The following STX18 variants were observed in gnomAD, a reference collection of about 807,000 sequenced individuals.
The protein encoded by STX18 is syntaxin 18.
A neutral mutation model predicts 50.1 loss-of-function variants in STX18; 40 were observed. That is an observed-to-expected ratio of 0.80 (90% CI 0.62 to 1.04). The LOEUF (loss-of-function observed/expected upper bound fraction) is 1.04. Among genes scored for constraint, STX18 ranks in the 50% least tolerant of loss-of-function variants. STX18 has a pLI of 0.00. For synonymous variants in STX18, 158 were observed against 151.8 expected (o/e 1.04, Z -0.30); for missense variants, 410 against 415.8 (o/e 0.99, Z 0.12).
rs142456118 is a variant in STX18, at chr4:4,471,029, CA to C, written c.236+609del. ...AACATGAGTAACATTAGGGGATGAACAGAAGGATTCAGCAAAAGTGCCGTAA... is the reference window on the plus strand; with the variant it reads ...AACATGAGTAACATTAGGGGATGAACGAAGGATTCAGCAAAAGTGCCGTAA... On this transcript the variant is annotated intron_variant, in intron 2 of 10. Transcript: ENST00000306200. Among the ~76,000 whole-genome samples the C allele has an allele frequency of 4.6e-3, 703 of 152,198 alleles. 6 individuals carry two copies. Among genetic ancestry groups the C allele is most frequent in the African/African-American group, 0.016 (669 of 41,528 alleles).
At chr4:4,444,987 C>T (rs994980057) in intron 5 of STX18, among the ~76,000 whole-genome samples, 2 of 152,276 alleles carry the variant, frequency 1.3e-5, no homozygotes, top group East Asian at 3.9e-4. Flanking sequence ...ACCAGAGGTC[C>T]AGGCCCTAGC....
intron 1 of STX18, among the ~76,000 whole-genome samples, chr4:4,534,893 G>A (rs1220008845): frequency 6.6e-6 from 1 of 152,248 alleles, no homozygotes; most frequent in African/African-American, 2.4e-5. Flanking sequence ...CAACTAGGCA[G>A]TGGGCCGGAT....
chr4:4,466,177 G>A (rs1397529882), intron 2 of STX18, among the ~76,000 whole-genome samples: 1 of 152,132 alleles, frequency 6.6e-6, no homozygotes, highest in East Asian at 1.9e-4. Context: ...AGATAGGAAG[G>A]CAGGGCCAGG....
intron 1 of STX18, among the ~76,000 whole-genome samples, chr4:4,504,955 T>C (rs372599011): frequency 4.6e-5 from 7 of 152,204 alleles, no homozygotes; most frequent in Non-Finnish European, 1.0e-4. Context: ...AATTCATCCA[T>C]TTAAATTGTG....
At chr4:4,511,759 TGTA>T in intron 1 of STX18, among the ~76,000 whole-genome samples, 1 of 137,540 alleles carries the variant, frequency 7.3e-6, no homozygotes, top group East Asian at 2.0e-4. Flanking sequence ...TGTGTGTGTG[TGTA>T]TGCCCCTAGG....
intron 1 of STX18, among the ~76,000 whole-genome samples, chr4:4,530,011 C>T (rs777506084): frequency 1.3e-4 from 20 of 152,010 alleles, no homozygotes; most frequent in Admixed American, 3.3e-4. Context: ...TTTAAATAGC[C>T]CCCACCCCTC....
chr4:4,459,401 G>C lies in STX18; in HGVS notation c.323C>G (p.Ser108Ter), dbSNP rs776535333. 3 of 1,614,056 alleles carry C rather than the reference G, an allele frequency of 1.9e-6. No individual in the cohort carries two copies. The highest frequency in any genetic ancestry group is 2.2e-5 in the East Asian group (1 of 44,886). ...TGTTCGTAGTTGCTGAATTGCTTCT[G>C]AACAGGTCCTCATGAATATCTGGGC... ...QDAQIFMRTC[S>*]EAIQQLRTEA... Residue 108 changes from serine to a stop codon, truncating the protein, a stop_gained, in exon 3 of 11, where the codon TCA (serine) becomes TGA (stop). Transcript: ENST00000306200. LOFTEE classifies it high-confidence loss of function.
chr4:4,465,808 T>G (rs940556070), intron 2 of STX18, among the ~76,000 whole-genome samples: 8 of 152,224 alleles, frequency 5.3e-5, no homozygotes, highest in Non-Finnish European at 1.2e-4. Context: ...GTTTTTGCAG[T>G]ACCTATCATA....
chr4:4,460,109 A>T (rs1424784145), intron 2 of STX18, among the ~76,000 whole-genome samples: 1 of 151,856 alleles, frequency 6.6e-6, no homozygotes, highest in Non-Finnish European at 1.5e-5. Context: ...AAAGATACTT[A>T]CCCCACTCTA....
At chr4:4,452,666 G>C (rs1726820609) in intron 5 of STX18, among the ~76,000 whole-genome samples, 1 of 152,228 alleles carries the variant, frequency 6.6e-6, no homozygotes. Context: ...CTGCACTCCA[G>C]CCCGGGTGGC....
At chr4:4,501,669 T>C (rs1159271220) in intron 1 of STX18, among the ~76,000 whole-genome samples, 2 of 152,190 alleles carry the variant, frequency 1.3e-5, no homozygotes, top group Non-Finnish European at 2.9e-5. Flanking sequence ...ATGTAACCTA[T>C]TCACTTAAAG....
rs543316246 is a variant in STX18 at position 4,495,341 on chromosome 4, G to C, written c.169-23635C>G. On this transcript the variant is annotated intron_variant, in intron 1 of 10. Transcript: ENST00000306200. ...ATGTTCTCTTACAAATGATGGGGAC[G>C]CAAGATGGCAGCTTTTCTTCTTTCT... Among the ~76,000 whole-genome samples the C allele has an allele frequency of 8.5e-5, 13 of 152,178 alleles. No individual in the cohort carries two copies. The South Asian group carries it at 1.5e-3, about 17-fold the overall frequency.
intron 1 of STX18, among the ~76,000 whole-genome samples, chr4:4,525,277 T>C (rs1244920678): frequency 1.3e-5 from 2 of 152,156 alleles, no homozygotes; most frequent in Non-Finnish European, 2.9e-5. Flanking sequence ...TAAACAGCTG[T>C]TCTCCAATTT....
At chr4:4,533,302 T>C (rs868338113) in intron 1 of STX18, among the ~76,000 whole-genome samples, 27 of 152,238 alleles carry the variant, frequency 1.8e-4, no homozygotes, top group African/African-American at 6.5e-4. Context: ...TAGACTTCAC[T>C]GATACTTTAC....
Position 4,541,792 on chromosome 4 carries a change from C to T in STX18, c.168+5G>A, listed in dbSNP as rs1299330307. 1 of 1,605,924 alleles carries T rather than the reference C, an allele frequency of 6.2e-7. No homozygotes were observed. Among genetic ancestry groups the T allele is most frequent in the Admixed American group, 1.7e-5 (1 of 59,420 alleles). ...AACCCGCCGTTTCCATAGCAACCAG[C>T]TCACCACTTCGCGGGCCCGGCTGGA... On this transcript the variant is annotated splice_donor_5th_base_variant and intron_variant, in intron 1 of 10. Coordinates refer to ENST00000306200, the MANE Select transcript of STX18 (RefSeq NM_016930.4).
chr4:4,466,785 G>T (rs995574009), intron 2 of STX18, among the ~76,000 whole-genome samples: 6 of 152,206 alleles, frequency 3.9e-5, no homozygotes, highest in Non-Finnish European at 8.8e-5. Context: ...TATCAAGACA[G>T]GGGAACTACA....
chr4:4,498,198 T>C (rs761700800), intron 1 of STX18, among the ~76,000 whole-genome samples: 28 of 152,230 alleles, frequency 1.8e-4, no homozygotes, highest in Non-Finnish European at 3.4e-4. Flanking sequence ...TGTATGTATG[T>C]CTTCCCTAAA....
At chr4:4,439,014 T>C (rs968434068) in intron 5 of STX18, among the ~76,000 whole-genome samples, 2 of 141,268 alleles carry the variant, frequency 1.4e-5, no homozygotes, top group African/African-American at 2.7e-5. Flanking sequence ...CACACATATA[T>C]ACCACATATA....
At chr4:4,525,010 G>A (rs771258142) in intron 1 of STX18, among the ~76,000 whole-genome samples, 2 of 152,160 alleles carry the variant, frequency 1.3e-5, no homozygotes, top group Non-Finnish European at 2.9e-5. Context: ...ATAGAAGAAT[G>A]AGATTCCAGA....
Sources: gnomAD v4.1 joint callset for allele counts (sites outside exome capture counted in the v4.1 genomes callset) on GRCh38, gnomAD v4.1.1 for gene constraint, MANE v1.5 for transcripts, NCBI Gene and HGNC (gene_info 2026-07-23, HGNC 2026-07-21) for gene names.